Variants in MGST1 observed in about 807,000 individuals in gnomAD.
The protein encoded by MGST1 is microsomal glutathione S-transferase 1.
A neutral mutation model predicts 8.9 loss-of-function variants in MGST1; 5 were observed. That is an observed-to-expected ratio of 0.56 (90% CI 0.29 to 1.19). The LOEUF is 1.19. Ranked by LOEUF, MGST1 falls within the 50% of genes most tolerant of loss-of-function variation. The pLI is 0.08. For synonymous variants in MGST1, 54 were observed against 67.8 expected, an observed-to-expected ratio of 0.80 and a Z score of 1.00; for missense variants, 182 against 187.4, an observed-to-expected ratio of 0.97 and a Z score of 0.17.
At chr12:16,493,709 G>A (rs1941453543) in intron 4 of MGST1, among the ~76,000 whole-genome samples, 1 of 152,086 alleles carries the variant, frequency 6.6e-6, no homozygotes, top group Non-Finnish European at 1.5e-5. Context: ...TCTGTTCTTA[G>A]TTTAGCCCCA....
rs968603427 is a variant in MGST1, at chr12:16,413,677, G to A, written n.779-23711G>A. Among the ~76,000 whole-genome samples, 2 of 152,112 alleles carry A rather than the reference G, an allele frequency of 1.3e-5. No individual in the cohort carries two copies. The highest frequency in any genetic ancestry group is 6.5e-5 in the Admixed American group (1 of 15,272). On this transcript the variant is annotated intron_variant and non_coding_transcript_variant, in intron 1 of 1. Coordinates refer to the MGST1 transcript ENST00000359720. The surrounding 1 kb of genome is among the most constrained non-coding windows in gnomAD (Gnocchi z 4.0). Reference sequence around the variant, plus strand: ...TTTTTTTCCATACATTCTCAAGGAAGTGTCGGTTATCCCTTCTTTTTGGGA... The same window carrying A: ...TTTTTTTCCATACATTCTCAAGGAAATGTCGGTTATCCCTTCTTTTTGGGA...
Position 16,560,573 on chromosome 12 carries a change from T to A in MGST1, n.483-28955T>A. ...GAAACATTTTTTTTTTTTTACAAACTCTTACAGAGAAATCTGAGATCGTGA... is the reference window on the plus strand; with the variant it reads ...GAAACATTTTTTTTTTTTTACAAACACTTACAGAGAAATCTGAGATCGTGA... On this transcript the variant is annotated intron_variant and non_coding_transcript_variant, in intron 4 of 4. Transcript: ENST00000538857. This position sits in a 1 kb window ranked among gnomAD's most constrained non-coding sequence, Gnocchi z 5.0. The A allele has an allele frequency of 6.3e-7, 1 of 1,584,494 alleles. No homozygotes were observed. The highest frequency in any genetic ancestry group is 8.6e-7 in the Non-Finnish European group (1 of 1,160,710).
At chr12:16,477,255 A>G (rs1223941125) in intron 4 of MGST1, among the ~76,000 whole-genome samples, 1 of 152,136 alleles carries the variant, frequency 6.6e-6, no homozygotes, top group Non-Finnish European at 1.5e-5. Context: ...TCTGAGTGTA[A>G]GATAAAATTT....
intron 2 of MGST1, 43 bp downstream of exon 2, chr12:16,354,421 G>C: frequency 6.4e-7 from 1 of 1,560,424 alleles, no homozygotes; most frequent in Non-Finnish European, 8.6e-7. Context: ...TTAAGAGTTG[G>C]AATTCTGGAG....
chr12:16,504,903 A>C (rs1173163612), intron 4 of MGST1, among the ~76,000 whole-genome samples: 1 of 152,112 alleles, frequency 6.6e-6, no homozygotes, highest in Non-Finnish European at 1.5e-5. Flanking sequence ...TCCTTTTTTA[A>C]AAACAAACAA....
chr12:16,409,846 G>C (rs1290870830), intron 1 of MGST1, among the ~76,000 whole-genome samples: 1 of 152,168 alleles, frequency 6.6e-6, no homozygotes, highest in South Asian at 2.1e-4. Context: ...AGTGCCTCAG[G>C]TTATAGGCAA....
downstream of MGST1, among the ~76,000 whole-genome samples, chr12:16,440,246 TAC>T (rs55778046): frequency 6.6e-3 from 985 of 148,226 alleles, 6 homozygotes; most frequent in African/African-American, 0.015. Flanking sequence ...AATGTGTGTG[TAC>T]ACACACACAC....
intron 1 of MGST1, among the ~76,000 whole-genome samples, chr12:16,435,992 T>TACACACACACAC (rs35784515): frequency 4.0e-5 from 6 of 149,276 alleles, no homozygotes; most frequent in African/African-American, 1.5e-4. Flanking sequence ...CTGCTGCAAA[T>TACACACACACAC]ACACACACAC....
rs148558663 is a variant in MGST1, at chr12:16,427,008, A to G, written n.779-10380A>G. Among the ~76,000 whole-genome samples the G allele has an allele frequency of 6.2e-3, 937 of 151,618 alleles. 10 individuals carry two copies. Among genetic ancestry groups the G allele is most frequent in the African/African-American group, 0.021 (879 of 41,376 alleles). On this transcript the variant is annotated intron_variant and non_coding_transcript_variant, in intron 1 of 1. Coordinates refer to the MGST1 transcript ENST00000359720. Reference sequence around the variant, plus strand: ...AAAAAGCTGAACAAAACAGAATTATATTCATTCATTAATTGAATAAATATT... The same window carrying G: ...AAAAAGCTGAACAAAACAGAATTATGTTCATTCATTAATTGAATAAATATT...
At chr12:16,464,822 T>C (rs941823203) in intron 4 of MGST1, among the ~76,000 whole-genome samples, 1 of 152,260 alleles carries the variant, frequency 6.6e-6, no homozygotes, top group Non-Finnish European at 1.5e-5. Context: ...GCAATGTATG[T>C]AACAAGCTTA....
chr12:16,449,799 T>A (rs1472892576), intron 4 of MGST1, among the ~76,000 whole-genome samples: 1 of 151,930 alleles, frequency 6.6e-6, no homozygotes, highest in Non-Finnish European at 1.5e-5. Flanking sequence ...TCTTCCATTC[T>A]CCCATTTAGT....
intron 1 of MGST1, among the ~76,000 whole-genome samples, chr12:16,390,416 T>C (rs1378020162): frequency 6.6e-6 from 1 of 152,190 alleles, no homozygotes; most frequent in South Asian, 2.1e-4. Flanking sequence ...TAGTATCCAA[T>C]AGTTATTCTT....
chr12:16,364,547 CCTT>C (rs1940148813), downstream of MGST1: 1 of 283,426 alleles, frequency 3.5e-6, no homozygotes, highest in African/African-American at 2.3e-5. This position sits in a 1 kb window ranked among gnomAD's most constrained non-coding sequence, Gnocchi z 5.7. Flanking sequence ...TATTTGCTTT[CCTT>C]CTCTCTCTGT....
At chr12:16,445,267 G>A (rs904442671) in intron 4 of MGST1, among the ~76,000 whole-genome samples, 1 of 151,810 alleles carries the variant, frequency 6.6e-6, no homozygotes, top group Non-Finnish European at 1.5e-5. Flanking sequence ...GTGGCAGGGG[G>A]TGTGAGATAT....
At chr12:16,575,423 A>G (rs1942963803) in intron 4 of MGST1, among the ~76,000 whole-genome samples, 1 of 152,240 alleles carries the variant, frequency 6.6e-6, no homozygotes, top group Admixed American at 6.5e-5. Context: ...TACATTTTAA[A>G]GAAACATCTG....
intron 4 of MGST1, among the ~76,000 whole-genome samples, chr12:16,551,980 C>T (rs1353139036): frequency 6.6e-6 from 1 of 151,908 alleles, no homozygotes; most frequent in Non-Finnish European, 1.5e-5. Flanking sequence ...AGAGCACTTC[C>T]AATTCAACCA....
intron 4 of MGST1, among the ~76,000 whole-genome samples, chr12:16,527,188 C>G (rs918575764): frequency 1.3e-5 from 2 of 151,946 alleles, no homozygotes; most frequent in African/African-American, 2.4e-5. Context: ...ATTTCTTCCA[C>G]TATCATATAT....
intron 1 of MGST1, chr12:16,400,594 G>T (rs1335743381): frequency 2.8e-6 from 3 of 1,058,138 alleles, no homozygotes; most frequent in South Asian, 1.3e-5. Context: ...GGCTGGTACT[G>T]TCTGTTCCCC....
chr12:16,562,104 G>A (rs1201253077), intron 4 of MGST1, among the ~76,000 whole-genome samples: 1 of 152,138 alleles, frequency 6.6e-6, no homozygotes, highest in African/African-American at 2.4e-5. Context: ...GCTCGAAAAT[G>A]TAATATCTTA....
Sources: allele counts gnomAD v4.1 joint callset (sites outside exome capture counted in the v4.1 genomes callset), GRCh38; gene constraint gnomAD v4.1.1; non-coding constraint Gnocchi (gnomAD v3.1); transcripts MANE v1.5; gene names NCBI Gene and HGNC (gene_info 2026-07-23, HGNC 2026-07-21).